Variants in RALYL observed in about 807,000 individuals in gnomAD.
RALYL encodes RALY RNA binding protein like.
In RALYL, 29 loss-of-function variants were observed where a neutral mutation model predicts 35.1. That is an observed-to-expected ratio of 0.83 (90% CI 0.61 to 1.13). RALYL has a LOEUF of 1.13. Ranked by LOEUF, RALYL falls within the 50% of genes most tolerant of loss-of-function variation. The pLI is 0.00. For missense variants in RALYL, 359 were observed against 360.4 expected, an observed-to-expected ratio of 1.00 and a Z score of 0.03; for synonymous variants, 120 against 127.6, an observed-to-expected ratio of 0.94 and a Z score of 0.40.
chr8:84,526,314 G>T (rs912616088), intron 1 of RALYL, among the ~76,000 whole-genome samples: 1 of 152,054 alleles, frequency 6.6e-6, no homozygotes, highest in African/African-American at 2.4e-5. Context: ...GGTTGTTTCT[G>T]GTTTAGTTGG....
Position 84,824,245 on chromosome 8 carries a change from C to A in RALYL, c.365+19443C>A, listed in dbSNP as rs189585811. ...TTGAGAACCAAATCAAGAATGTAAT[C>A]CCATTTACAATAGCTGCAAAAAAAA... On this transcript the variant is annotated intron_variant, in intron 4 of 8. Transcript: ENST00000521268. Among the ~76,000 whole-genome samples the A allele has an allele frequency of 8.9e-4, 117 of 131,458 alleles. 1 individual carries two copies. Among genetic ancestry groups the A allele is most frequent in the Non-Finnish European group, 1.4e-3 (86 of 62,536 alleles). The allele number at this position is 131,458 out of a possible 152,430, so 86.2% of individuals were successfully genotyped here.
intron 6 of RALYL, among the ~76,000 whole-genome samples, chr8:84,867,028 A>T (rs568100429): frequency 3.3e-5 from 5 of 152,136 alleles, no homozygotes; most frequent in Non-Finnish European, 7.4e-5. Flanking sequence ...TATCACAATG[A>T]TGGAGGCTGA....
At chr8:84,654,310 T>TATACAC (rs1554766146) in intron 2 of RALYL, among the ~76,000 whole-genome samples, 1 of 134,722 alleles carries the variant, frequency 7.4e-6, no homozygotes, top group African/African-American at 2.7e-5. Context: ...TATATATATA[T>TATACAC]ATATCATGTA....
At chr8:84,438,405 T>G (rs988586553) in intron 1 of RALYL, among the ~76,000 whole-genome samples, 1 of 140,516 alleles carries the variant, frequency 7.1e-6, no homozygotes, top group African/African-American at 2.7e-5. Context: ...TTTATTTATT[T>G]AGAGACAGGG....
At chr8:84,654,472 T>A (rs1466489713) in intron 2 of RALYL, among the ~76,000 whole-genome samples, 1 of 151,672 alleles carries the variant, frequency 6.6e-6, no homozygotes, top group Non-Finnish European at 1.5e-5. Flanking sequence ...TTTTTAAATG[T>A]GCAATTAATT....
intron 1 of RALYL, among the ~76,000 whole-genome samples, chr8:84,417,812 C>G (rs1160635871): frequency 6.6e-6 from 1 of 152,046 alleles, no homozygotes; most frequent in Non-Finnish European, 1.5e-5. Flanking sequence ...CAGAAAACTC[C>G]TAGCACTTCT....
At chr8:84,685,472 A>G (rs1222784692) in intron 2 of RALYL, among the ~76,000 whole-genome samples, 2 of 152,050 alleles carry the variant, frequency 1.3e-5, no homozygotes, top group African/African-American at 2.4e-5. Context: ...GCTCCTTTCT[A>G]GTACCTGATT....
chr8:84,552,359 T>TA (rs1554718661), intron 2 of RALYL, among the ~76,000 whole-genome samples: 26 of 35,118 alleles, frequency 7.4e-4, no homozygotes, highest in East Asian at 9.1e-4. Flanking sequence ...TATATATATA[T>TA]TTTTTTTTTT....
At chr8:84,513,162 C>T (rs1448560506) in intron 1 of RALYL, among the ~76,000 whole-genome samples, 1 of 152,052 alleles carries the variant, frequency 6.6e-6, no homozygotes, top group Non-Finnish European at 1.5e-5. Context: ...GAAATGTCGT[C>T]CATTTTTTTG....
intron 8 of RALYL, among the ~76,000 whole-genome samples, chr8:84,902,796 T>C (rs1354947577): frequency 6.6e-6 from 1 of 152,180 alleles, no homozygotes; most frequent in African/African-American, 2.4e-5. Flanking sequence ...TTTTGGGTTA[T>C]TGAAAAGATT....
intron 2 of RALYL, among the ~76,000 whole-genome samples, chr8:84,655,128 G>C (rs1024139615): frequency 6.6e-6 from 1 of 152,142 alleles, no homozygotes; most frequent in Middle Eastern, 3.4e-3. Flanking sequence ...TTGGGTAAAA[G>C]TCATTTTGAC....
intron 1 of RALYL, among the ~76,000 whole-genome samples, chr8:84,246,458 G>A (rs4513974): frequency 1.3e-5 from 2 of 152,142 alleles, no homozygotes; most frequent in Admixed American, 1.3e-4. Flanking sequence ...TGAAAGACTA[G>A]AAAAGCTTCC....
intron 2 of RALYL, among the ~76,000 whole-genome samples, chr8:84,633,205 G>A (rs1456576112): frequency 6.6e-6 from 1 of 151,476 alleles, no homozygotes; most frequent in African/African-American, 2.4e-5. Flanking sequence ...TTTTCCAGTG[G>A]TATACTATGT....
intron 2 of RALYL, among the ~76,000 whole-genome samples, chr8:84,573,565 G>T (rs748845870): frequency 4.6e-5 from 7 of 151,858 alleles, no homozygotes; most frequent in Admixed American, 4.6e-4. Context: ...GTTTTTTACA[G>T]ATCTTGAATC....
At chr8:84,654,307 A>AT (rs1829511640) in intron 2 of RALYL, among the ~76,000 whole-genome samples, 1 of 136,168 alleles carries the variant, frequency 7.3e-6, no homozygotes, top group East Asian at 2.2e-4. Flanking sequence ...ATATATATAT[A>AT]TATATATCAT....
intron 8 of RALYL, among the ~76,000 whole-genome samples, chr8:84,896,662 T>A (rs1844794274): frequency 6.6e-6 from 1 of 152,176 alleles, no homozygotes; most frequent in African/African-American, 2.4e-5. Context: ...AGCTCCTGTT[T>A]CAAGGCCTTG....
intron 2 of RALYL, among the ~76,000 whole-genome samples, chr8:84,649,282 T>C (rs1828175452): frequency 6.6e-6 from 1 of 152,140 alleles, no homozygotes; most frequent in South Asian, 2.1e-4. Context: ...CTCTTCAGTT[T>C]AATTAGATCC....
chr8:84,552,808 T>A (rs2060840116), intron 2 of RALYL, among the ~76,000 whole-genome samples: 1 of 152,060 alleles, frequency 6.6e-6, no homozygotes, highest in African/African-American at 2.4e-5. Flanking sequence ...CAGCCTCAAA[T>A]TTAAAATATT....
intron 2 of RALYL, among the ~76,000 whole-genome samples, chr8:84,634,873 G>A (rs1443360638): frequency 6.6e-6 from 1 of 151,640 alleles, no homozygotes; most frequent in Non-Finnish European, 1.5e-5. Context: ...ATGATAAACT[G>A]CTATGTTCCT....
Sources: allele counts gnomAD v4.1 joint callset (sites outside exome capture counted in the v4.1 genomes callset), GRCh38; gene constraint gnomAD v4.1.1; transcripts MANE v1.5; gene names NCBI Gene and HGNC (gene_info 2026-07-23, HGNC 2026-07-21).